The following PRKG1 variants were observed in gnomAD, a reference collection of about 807,000 sequenced individuals.
PRKG1 encodes the protein protein kinase cGMP-dependent 1.
In PRKG1, 35 loss-of-function variants were observed where a neutral mutation model predicts 88.1. The observed-to-expected ratio is 0.40, with a 90% CI of 0.30 to 0.53. The LOEUF is 0.53. Ranked by LOEUF, PRKG1 falls within the 20% of genes least tolerant of loss-of-function variation. The probability of loss-of-function intolerance (pLI) is 0.59; values close to 1 mark genes in which losing one functional copy is unlikely to be tolerated. For synonymous variants in PRKG1, 303 were observed against 292.5 expected, an observed-to-expected ratio of 1.04 and a Z score of -0.37; for missense variants, 540 against 839.8, an observed-to-expected ratio of 0.64 and a Z score of 4.41.
intron 4 of PRKG1, among the ~76,000 whole-genome samples, chr10:51,819,429 G>A (rs1441973388): frequency 6.6e-6 from 1 of 151,988 alleles, no homozygotes; most frequent in African/African-American, 2.4e-5. Flanking sequence ...AGTCTTAGAG[G>A]GGACAAACAT....
intron 5 of PRKG1, among the ~76,000 whole-genome samples, chr10:52,021,792 A>G (rs965562649): frequency 1.3e-5 from 2 of 152,238 alleles, no homozygotes; most frequent in African/African-American, 4.8e-5. Flanking sequence ...TCAAGTATAT[A>G]GCCAGATTCT....
At chr10:51,124,021 C>T (rs1845334787) in intron 1 of PRKG1, among the ~76,000 whole-genome samples, 1 of 152,104 alleles carries the variant, frequency 6.6e-6, no homozygotes, top group African/African-American at 2.4e-5. Context: ...ATCCAATCAC[C>T]TCCTTTCGGG....
chr10:52,017,234 C>T lies in PRKG1; in HGVS notation c.763-37250C>T, dbSNP rs554739638. 2.0e-5 allele frequency among the ~76,000 whole-genome samples: 3 copies of T among 152,208 alleles called. No individual in the cohort carries two copies. The South Asian group carries it at 6.2e-4, about 32-fold the overall frequency. ...ATGGAAAAATTTGAGCAGGGAAATG[C>T]AGTTCTCTGGTTTGAGTTGTAAATC... On this transcript the variant is annotated intron_variant, in intron 5 of 17. Coordinates refer to ENST00000373980, the MANE Select transcript of PRKG1 (RefSeq NM_006258.4).
intron 5 of PRKG1, among the ~76,000 whole-genome samples, chr10:52,039,312 G>T (rs1845697621): frequency 6.6e-6 from 1 of 152,048 alleles, no homozygotes; most frequent in African/African-American, 2.4e-5. Flanking sequence ...AGCAGTGGGG[G>T]TCGCAAGGTG....
intron 1 of PRKG1, among the ~76,000 whole-genome samples, chr10:51,004,800 G>T (rs918461940): frequency 6.6e-6 from 1 of 151,984 alleles, no homozygotes; most frequent in Admixed American, 6.6e-5. Flanking sequence ...GGAAAATAAG[G>T]ATAAAACTGT....
intron 9 of PRKG1, among the ~76,000 whole-genome samples, chr10:52,234,053 C>T (rs901274690): frequency 3.3e-5 from 5 of 152,044 alleles, no homozygotes; most frequent in African/African-American, 1.2e-4. Context: ...AGCAGAGGCA[C>T]ACTGACACCT....
chr10:51,015,616 G>C (rs1010498739), intron 1 of PRKG1, among the ~76,000 whole-genome samples: 2 of 152,240 alleles, frequency 1.3e-5, no homozygotes, highest in Non-Finnish European at 2.9e-5. Flanking sequence ...GCTGGGCTTG[G>C]TAGCTCATGC....
chr10:52,180,139 C>T (rs1910545), intron 9 of PRKG1, among the ~76,000 whole-genome samples: 22,797 of 152,044 alleles, frequency 0.15, 1,908 homozygotes, highest in South Asian at 0.25. Flanking sequence ...TGTCTGCCTG[C>T]GTTATTCAAA....
At chr10:51,418,940 G>T (rs934848333) in intron 2 of PRKG1, among the ~76,000 whole-genome samples, 1 of 152,174 alleles carries the variant, frequency 6.6e-6, no homozygotes, top group African/African-American at 2.4e-5. Flanking sequence ...CATAGCAGGA[G>T]TTGCTTTAGA....
At chr10:52,038,731 G>A (rs943257002) in intron 5 of PRKG1, among the ~76,000 whole-genome samples, 1 of 152,220 alleles carries the variant, frequency 6.6e-6, no homozygotes, top group Admixed American at 6.5e-5. Flanking sequence ...AAACGTGGGT[G>A]AATAATCAGA....
intron 3 of PRKG1, among the ~76,000 whole-genome samples, chr10:51,739,208 T>C (rs1057121696): frequency 2.0e-5 from 3 of 152,230 alleles, no homozygotes; most frequent in African/African-American, 7.2e-5. Context: ...TTTTCCCTAA[T>C]TGCTCTGTGT....
intron 1 of PRKG1, among the ~76,000 whole-genome samples, chr10:51,113,358 A>G (rs1406141946): frequency 1.3e-5 from 2 of 152,156 alleles, no homozygotes; most frequent in Non-Finnish European, 2.9e-5. Flanking sequence ...GAGTTTTTCA[A>G]TTGAGCATAA....
At position 51,219,428 on chromosome 10, in the gene PRKG1, G is replaced by A. The variant is rs139231655; in HGVS notation, c.478+66098G>A. ...GATGCTGTAGAAGTAAAGGAGGAGCGGCCGGGCGCAGTGGCTCACACCTGT... is the reference window on the plus strand; with the variant it reads ...GATGCTGTAGAAGTAAAGGAGGAGCAGCCGGGCGCAGTGGCTCACACCTGT... On this transcript the variant is annotated intron_variant, in intron 2 of 17. Coordinates refer to ENST00000373980, the MANE Select transcript of PRKG1 (RefSeq NM_006258.4). 9.4e-3 allele frequency among the ~76,000 whole-genome samples: 1,428 copies of A among 152,094 alleles called. 12 individuals carry two copies. The highest frequency in any genetic ancestry group is 0.015 in the Non-Finnish European group (987 of 67,988).
At chr10:51,744,281 G>T (rs1465704901) in intron 3 of PRKG1, among the ~76,000 whole-genome samples, 1 of 152,092 alleles carries the variant, frequency 6.6e-6, no homozygotes, top group Non-Finnish European at 1.5e-5. Context: ...TGAGAAACGT[G>T]CCCCGGGTCA....
intron 3 of PRKG1, among the ~76,000 whole-genome samples, chr10:51,571,529 A>G (rs1837751482): frequency 6.6e-6 from 1 of 151,892 alleles, no homozygotes; most frequent in Admixed American, 6.6e-5. Flanking sequence ...GACTGAAGAA[A>G]TGTTTCATGA....
chr10:52,289,120 G>A (rs1191498514), intron 16 of PRKG1, 127 bp downstream of exon 16: 3 of 859,536 alleles, frequency 3.5e-6, no homozygotes, highest in Non-Finnish European at 5.4e-6. Context: ...GTATAAACTA[G>A]TAAGGCTTTT....
At chr10:51,577,485 G>T (rs1837917031) in intron 3 of PRKG1, among the ~76,000 whole-genome samples, 1 of 151,966 alleles carries the variant, frequency 6.6e-6, no homozygotes, top group Non-Finnish European at 1.5e-5. Flanking sequence ...AATCCTAAAT[G>T]TGGTATTCCT....
At chr10:51,272,305 A>G (rs926517493) in intron 2 of PRKG1, among the ~76,000 whole-genome samples, 1 of 152,030 alleles carries the variant, frequency 6.6e-6, no homozygotes, top group Non-Finnish European at 1.5e-5. Context: ...CATGTTGAAC[A>G]ATGAGAACAC....
At chr10:51,350,334 T>C (rs939272012) in intron 2 of PRKG1, among the ~76,000 whole-genome samples, 3 of 152,092 alleles carry the variant, frequency 2.0e-5, no homozygotes, top group African/African-American at 7.2e-5. Context: ...AGGTCTCAGG[T>C]AAATATTGGT....
Sources: allele counts gnomAD v4.1 joint callset (sites outside exome capture counted in the v4.1 genomes callset), GRCh38; gene constraint gnomAD v4.1.1; transcripts MANE v1.5; gene names NCBI Gene and HGNC (gene_info 2026-07-23, HGNC 2026-07-21).